DHDDS: variants seen among roughly 807,000 people sequenced by gnomAD.
The protein encoded by DHDDS is dehydrodolichyl diphosphate synthase subunit, also known as dehydrodolichyl diphosphate synthase complex subunit DHDDS.
DHDDS carries 16 observed loss-of-function variants against 46.2 expected under a neutral mutation model. That is an observed-to-expected ratio of 0.35 (90% CI 0.23 to 0.53). The LOEUF is 0.53. Ranked by LOEUF, DHDDS falls within the 20% of genes least tolerant of loss-of-function variation. The probability of loss-of-function intolerance (pLI) is 0.94; values close to 1 mark genes in which losing one functional copy is unlikely to be tolerated. For synonymous variants in DHDDS, 151 were observed against 163.1 expected (o/e 0.93, Z 0.56); for missense variants, 340 against 423.7 (o/e 0.80, Z 1.73).
At position 26,438,297 on chromosome 1, in the gene DHDDS, G is replaced by T; in HGVS notation, c.180+13G>T. 6.2e-7 allele frequency: 1 copy of T among 1,610,668 alleles called. No individual in the cohort carries two copies. The highest frequency in any genetic ancestry group is 8.5e-7 in the Non-Finnish European group (1 of 1,177,068). ...CAAGCTAGCTGAGGTGGGTGTGTAT[G>T]GCAGAGCCCAAAGTGAACAGTCTGT... On this transcript the variant is annotated intron_variant, in intron 3 of 8. Coordinates refer to ENST00000236342, the MANE Select transcript of DHDDS (RefSeq NM_205861.3).
chr1:26,455,642 G>A (rs1325915946), intron 6 of DHDDS, among the ~76,000 whole-genome samples: 3 of 152,130 alleles, frequency 2.0e-5, no homozygotes, highest in African/African-American at 7.2e-5. Flanking sequence ...AGCTACTTGG[G>A]AGGCTGAGGC....
At chr1:26,438,505 C>T in intron 3 of DHDDS, 1 of 505,720 alleles carries the variant, frequency 2.0e-6, no homozygotes, top group Non-Finnish European at 3.7e-6. Context: ...AGGAGGATTG[C>T]TTGAGCCCAG....
chr1:26,464,896 G>A (rs147755519), intron 8 of DHDDS, among the ~76,000 whole-genome samples: 292 of 152,326 alleles, frequency 1.9e-3, no homozygotes, highest in African/African-American at 5.4e-3. Flanking sequence ...GGAAGGCAGC[G>A]GGTGGATCGT....
At chr1:26,466,068 G>T (rs2075482473) in intron 8 of DHDDS, 1 of 152,178 alleles carries the variant, frequency 6.6e-6, no homozygotes, top group Non-Finnish European at 1.5e-5. Flanking sequence ...AGCAGAGAGG[G>T]ATAATGCCCA....
At chr1:26,456,278 A>G (rs556080617) in intron 6 of DHDDS, among the ~76,000 whole-genome samples, 9 of 152,204 alleles carry the variant, frequency 5.9e-5, no homozygotes, top group Non-Finnish European at 1.0e-4. Flanking sequence ...AAGCTGAGGT[A>G]GGAGGATTGC....
Position 26,438,228 on chromosome 1 carries a change from A to G in DHDDS, c.124A>G (p.Lys42Glu), listed in dbSNP as rs147394623. Residue 42 changes from lysine (K) to glutamate (E), a missense_variant, in exon 3 of 9, where the codon AAG (lysine) becomes GAG (glutamate). Coordinates refer to ENST00000236342, the MANE Select transcript of DHDDS (RefSeq NM_205861.3). ...GGACGGGAACCGTCGCTATGCCAAG[A>G]AGTGCCAGGTGGAGCGGCAGGAAGG... The part of the protein sequence containing the change: ...IMDGNRRYAK[K>E]CQVERQEGHS... 1.3e-4 allele frequency: 207 copies of G among 1,613,994 alleles called. No homozygotes were observed. The highest frequency in any genetic ancestry group is 2.2e-5 in the Non-Finnish European group (26 of 1,179,950).
chr1:26,467,526 A>T (rs1351930631), intron 8 of DHDDS: 2 of 344,816 alleles, frequency 5.8e-6, no homozygotes, highest in East Asian at 1.5e-4. Flanking sequence ...AGAGACAGCA[A>T]ATCAGTTCCC....
At chr1:26,457,766 CTT>C (rs1381818233) in intron 6 of DHDDS, 23 bp from the exon 7 acceptor site, 22 of 1,546,862 alleles carry the variant, frequency 1.4e-5, no homozygotes, top group East Asian at 2.2e-5. Flanking sequence ...GTGTGCCTCT[CTT>C]TGTCTCTTCT....
At chr1:26,447,806 A>C in intron 6 of DHDDS, 146 bp downstream of exon 6, 1 of 711,218 alleles carries the variant, frequency 1.4e-6, no homozygotes, top group Non-Finnish European at 2.5e-6. Context: ...CAGCCTGGCC[A>C]ACATGGCAAA....
At chr1:26,457,999 A>G in intron 7 of DHDDS, 94 bp downstream of exon 7, 2 of 1,081,426 alleles carry the variant, frequency 1.8e-6, no homozygotes, top group Non-Finnish European at 2.8e-6. Context: ...ACTCCCAAAC[A>G]GGCTGGGGCC....
At chr1:26,467,486 C>T (rs2075504363) in intron 8 of DHDDS, 2 of 379,176 alleles carry the variant, frequency 5.3e-6, no homozygotes, top group Non-Finnish European at 1.1e-5. Flanking sequence ...CATTTGTCAT[C>T]CTTATTCATG....
intron 3 of DHDDS, 145 bp from the exon 4 acceptor site, chr1:26,442,586 C>G: frequency 1.1e-6 from 1 of 928,208 alleles, no homozygotes; most frequent in Non-Finnish European, 1.8e-6. Flanking sequence ...GACATAAACA[C>G]TGATGTTATC....
At chr1:26,466,896 A>AGCCTTAGAGAGGTGAGGGAG (rs2075495206) in intron 8 of DHDDS, among the ~76,000 whole-genome samples, 2 of 152,150 alleles carry the variant, frequency 1.3e-5, no homozygotes. Context: ...AGTAAGAGAG[A>AGCCTTAGAGAGGTGAGGGAG]GCCTTAGAGA....
At position 26,460,079 on chromosome 1, in the gene DHDDS, G is replaced by C; in HGVS notation, c.700G>C (p.Glu234Gln). Residue 234 changes from glutamate (E) to glutamine (Q), a missense_variant, in exon 8 of 9, where the codon GAG becomes CAG. Glu to Gln is a conservative substitution (Grantham distance 29). Coordinates refer to ENST00000236342, the MANE Select transcript of DHDDS (RefSeq NM_205861.3). ...CLVFQPVLWP[E>Q]YTFWNLFEAI... ...GGTGTTCCAACCCGTTCTGTGGCCA[G>C]AGTATACATTTTGGAACCTCTTCGA... The C allele has an allele frequency of 6.2e-7, 1 of 1,614,212 alleles. No individual in the cohort carries two copies. Among genetic ancestry groups the C allele is most frequent in the South Asian group, 1.1e-5 (1 of 91,084 alleles).
intron 6 of DHDDS, chr1:26,454,947 C>G (rs1017213817): frequency 2.5e-6 from 4 of 1,602,420 alleles, no homozygotes; most frequent in Non-Finnish European, 3.4e-6. Flanking sequence ...GGCCACTGAC[C>G]TTGTGTCCAG....
At position 26,471,173 on chromosome 1, in the gene DHDDS, C is replaced by T. The variant is rs552604998; in HGVS notation, c.*2042C>T. 5 of 152,282 alleles carry T rather than the reference C, an allele frequency of 3.3e-5. No individual in the cohort carries two copies. The East Asian group carries it at 9.6e-4, about 29-fold the overall frequency. 9.4% of individuals were successfully genotyped at this position (152,282 alleles called of 1,614,324 possible). A position where few individuals can be genotyped will look rare whatever the true frequency, so the allele number is the denominator to read the frequency against. ...GTGATTTGTGCAAGCCAGGTTCAACCCTTGCCTCAAGAAATCAGATGGGAC... is the reference window on the plus strand; with the variant it reads ...GTGATTTGTGCAAGCCAGGTTCAACTCTTGCCTCAAGAAATCAGATGGGAC... On this transcript the variant is annotated 3_prime_UTR_variant, in exon 9 of 9. Transcript: ENST00000236342.
chr1:26,463,226 G>A (rs1242932571), intron 8 of DHDDS: 1 of 152,268 alleles, frequency 6.6e-6, no homozygotes, highest in Non-Finnish European at 1.5e-5. Flanking sequence ...GTCCAGGTGA[G>A]AGAGGATGCG....
At position 26,457,853 on chromosome 1, in the gene DHDDS, T is replaced by C; in HGVS notation, c.605T>C (p.Ile202Thr). ...LYTNRSPHPDILIRTSGEVRL... is the reference protein window; with the variant it reads ...LYTNRSPHPDTLIRTSGEVRL... Reference sequence around the variant, plus strand: ...ACCAACCGCTCTCCTCATCCTGACATCTTGATACGGACTTCTGGAGAAGTG... The same window carrying C: ...ACCAACCGCTCTCCTCATCCTGACACCTTGATACGGACTTCTGGAGAAGTG... Residue 202 changes from isoleucine (I) to threonine (T), a missense_variant, in exon 7 of 9, where the codon ATC (isoleucine) becomes ACC (threonine). This residue lies in a region of DHDDS where 268 missense variants were observed against 300.3 expected (regional missense o/e 0.89). Transcript: ENST00000236342. The C allele has an allele frequency of 6.2e-7, 1 of 1,614,054 alleles. No individual in the cohort carries two copies. Among genetic ancestry groups the C allele is most frequent in the Non-Finnish European group, 8.5e-7 (1 of 1,180,000 alleles).
At chr1:26,444,876 G>A (rs1305201437) in intron 4 of DHDDS, among the ~76,000 whole-genome samples, 1 of 152,226 alleles carries the variant, frequency 6.6e-6, no homozygotes, top group African/African-American at 2.4e-5. Context: ...CTGAATCAAG[G>A]TCTTCTAGTA....
Sources: gnomAD v4.1 joint callset for allele counts (sites outside exome capture counted in the v4.1 genomes callset) on GRCh38, gnomAD v4.1.1 for gene constraint, gnomAD v4.1.1 regional missense constraint, MANE v1.5 for transcripts, NCBI Gene and HGNC (gene_info 2026-07-23, HGNC 2026-07-21) for gene names.